The following NYAP2 variants were observed in gnomAD, a reference collection of about 807,000 sequenced individuals.
The protein encoded by NYAP2 is neuronal tyrosine-phosphorylated phosphoinositide-3-kinase adapter 2.
Under a neutral mutation model 50.4 loss-of-function variants are expected in NYAP2, and 23 were observed. That is an observed-to-expected ratio of 0.46 (90% CI 0.33 to 0.65). The LOEUF is 0.65. Ranked by LOEUF, NYAP2 falls within the 30% of genes least tolerant of loss-of-function variation. NYAP2 has a pLI of 0.02. For synonymous variants in NYAP2, 394 were observed against 365.2 expected, an observed-to-expected ratio of 1.08 and a Z score of -0.90; for missense variants, 885 against 861.0, an observed-to-expected ratio of 1.03 and a Z score of -0.35.
At chr2:225,449,352 T>C (rs374609918) in intron 3 of NYAP2, among the ~76,000 whole-genome samples, 127 of 152,288 alleles carry the variant, frequency 8.3e-4, no homozygotes, top group African/African-American at 2.9e-3. Context: ...GCTTTGCAAA[T>C]ATGAACTCTT....
intron 3 of NYAP2, among the ~76,000 whole-genome samples, chr2:225,456,130 A>G (rs1689734727): frequency 6.6e-6 from 1 of 152,304 alleles, no homozygotes; most frequent in African/African-American, 2.4e-5. Context: ...CACACATTAC[A>G]TTTGCATATG....
chr2:225,419,396 A>G (rs1305358367), intron 3 of NYAP2, among the ~76,000 whole-genome samples: 1 of 152,152 alleles, frequency 6.6e-6, no homozygotes, highest in Non-Finnish European at 1.5e-5. Context: ...ATTTCAATAA[A>G]CCTGTAGGTT....
intron 5 of NYAP2, among the ~76,000 whole-genome samples, chr2:225,592,539 C>G (rs770031326): frequency 2.6e-5 from 4 of 152,022 alleles, no homozygotes; most frequent in Non-Finnish European, 5.9e-5. Context: ...ACAAGCTGGC[C>G]TATTGTTATG....
At chr2:225,638,015 A>G (rs1693452132) in intron 6 of NYAP2, among the ~76,000 whole-genome samples, 1 of 152,224 alleles carries the variant, frequency 6.6e-6, no homozygotes, top group Non-Finnish European at 1.5e-5. Flanking sequence ...CTGAACTCTC[A>G]TTTCTAGCCT....
chr2:225,568,218 G>C (rs1336277974), intron 4 of NYAP2, among the ~76,000 whole-genome samples: 1 of 152,076 alleles, frequency 6.6e-6, no homozygotes, highest in East Asian at 1.9e-4. Context: ...GTCCCTTCAT[G>C]CCTTCCCTTG....
chr2:225,402,266 G>A (rs10498186), intron 2 of NYAP2, among the ~76,000 whole-genome samples: 5,136 of 151,996 alleles, frequency 0.034, 289 homozygotes, highest in African/African-American at 0.12. Context: ...AAAGAGAAGT[G>A]TAAAAATCCT....
At chr2:225,596,488 C>A (rs2106238717) in intron 5 of NYAP2, among the ~76,000 whole-genome samples, 1 of 152,264 alleles carries the variant, frequency 6.6e-6, no homozygotes, top group African/African-American at 2.4e-5. Flanking sequence ...CCGACCTCCC[C>A]AATTAAATGG....
chr2:225,492,535 C>A (rs1690427734), intron 3 of NYAP2, among the ~76,000 whole-genome samples: 2 of 152,160 alleles, frequency 1.3e-5, no homozygotes, highest in Non-Finnish European at 2.9e-5. Context: ...GGTGTTATTT[C>A]CATAATGTTT....
chr2:225,690,799 A>G, the NYAP2 span, among the ~76,000 whole-genome samples: 2 of 152,126 alleles, frequency 1.3e-5, no homozygotes, highest in African/African-American at 2.4e-5. Context: ...CAAACTCAAT[A>G]GGAAAAATAT....
At chr2:225,558,799 C>T (rs969573074) in intron 4 of NYAP2, among the ~76,000 whole-genome samples, 47 of 152,096 alleles carry the variant, frequency 3.1e-4, no homozygotes, top group African/African-American at 1.1e-3. Flanking sequence ...AGAGGCATCA[C>T]CAGACAGAGC....
At chr2:225,422,375 G>A (rs755720557) in intron 3 of NYAP2, among the ~76,000 whole-genome samples, 1 of 152,116 alleles carries the variant, frequency 6.6e-6, no homozygotes, top group Non-Finnish European at 1.5e-5. Context: ...TGTTCTCTAA[G>A]TGTCAGTCGG....
chr2:225,626,944 G>A (rs1164315519), exon 6 of NYAP2: 1 of 1,580,980 alleles, frequency 6.3e-7, no homozygotes, highest in Admixed American at 1.8e-5. Context: ...AAAGTCCGAA[G>A]CCACAGCACG....
intron 4 of NYAP2, among the ~76,000 whole-genome samples, chr2:225,574,977 G>A (rs1490871132): frequency 6.6e-6 from 1 of 152,112 alleles, no homozygotes; most frequent in Non-Finnish European, 1.5e-5. Context: ...CTGCACTGAA[G>A]CTATTTCCTT....
chr2:225,483,234 TA>T (rs1690235879), intron 3 of NYAP2, among the ~76,000 whole-genome samples: 1 of 152,148 alleles, frequency 6.6e-6, no homozygotes, highest in African/African-American at 2.4e-5. Flanking sequence ...ATAAGAGAGC[TA>T]GGGGAAACAT....
chr2:225,434,484 A>G (rs975836434), intron 3 of NYAP2, among the ~76,000 whole-genome samples: 6 of 152,232 alleles, frequency 3.9e-5, no homozygotes, highest in Admixed American at 6.5e-5. Context: ...AATTTTCATG[A>G]AGAGAGAAGC....
intron 4 of NYAP2, among the ~76,000 whole-genome samples, chr2:225,519,486 T>A (rs1157493283): frequency 6.9e-6 from 1 of 144,288 alleles, no homozygotes; most frequent in African/African-American, 2.6e-5. Context: ...GTGTTCTCAT[T>A]GTTCAGTTCC....
intron 3 of NYAP2, among the ~76,000 whole-genome samples, chr2:225,435,007 C>G (rs1034447391): frequency 6.6e-6 from 1 of 152,178 alleles, no homozygotes; most frequent in Non-Finnish European, 1.5e-5. Context: ...CTAGCCAAGC[C>G]TGAAAAGTGT....
intron 3 of NYAP2, among the ~76,000 whole-genome samples, chr2:225,453,824 C>T (rs1178067916): frequency 2.0e-5 from 3 of 147,744 alleles, no homozygotes; most frequent in African/African-American, 5.2e-5. Context: ...CCCTCCACCA[C>T]GCCCGGCTAA....
chr2:225,699,058 G>A, the NYAP2 span: 12 of 151,864 alleles, frequency 7.9e-5, no homozygotes, highest in Non-Finnish European at 1.6e-4. Context: ...TATTTGTTAA[G>A]AGCATCTGTG....
Sources: allele counts gnomAD v4.1 joint callset (sites outside exome capture counted in the v4.1 genomes callset), GRCh38; gene constraint gnomAD v4.1.1; transcripts MANE v1.5; gene names NCBI Gene and HGNC (gene_info 2026-07-23, HGNC 2026-07-21).